NRXN1: variants seen among roughly 807,000 people sequenced by gnomAD.
The protein encoded by NRXN1 is neurexin-1.
A neutral mutation model predicts 150.9 loss-of-function variants in NRXN1; 39 were observed. That is an observed-to-expected ratio of 0.26 (90% confidence interval 0.20 to 0.34). NRXN1 has a LOEUF of 0.34. NRXN1 is among the 10% of genes least tolerant of loss of function. The pLI is 1.00. For missense variants in NRXN1, 1,815 were observed against 1,949.9 expected, an observed-to-expected ratio of 0.93 and a Z score of 1.30; for synonymous variants, 924 against 757.0, an observed-to-expected ratio of 1.22 and a Z score of -3.62.
intron 18 of NRXN1, among the ~76,000 whole-genome samples, chr2:50,219,359 G>GAA (rs34949214): frequency 4.5e-4 from 65 of 143,762 alleles, no homozygotes; most frequent in Admixed American, 2.0e-3. Context: ...CTGTTTTGGG[G>GAA]AAAAAAAAAA....
intron 18 of NRXN1, chr2:50,174,588 C>G (rs2060236406): frequency 6.6e-6 from 1 of 152,076 alleles, no homozygotes; most frequent in Non-Finnish European, 1.5e-5. Context: ...CACAGCACAG[C>G]AATTAAGAAT....
At chr2:50,906,707 G>A (rs1204381050) in intron 5 of NRXN1, among the ~76,000 whole-genome samples, 2 of 151,868 alleles carry the variant, frequency 1.3e-5, no homozygotes, top group Non-Finnish European at 2.9e-5. Flanking sequence ...ATACTCAATT[G>A]CTTGCAACCT....
At chr2:50,737,579 G>A (rs987663873) in intron 5 of NRXN1, among the ~76,000 whole-genome samples, 3 of 152,108 alleles carry the variant, frequency 2.0e-5, no homozygotes, top group Non-Finnish European at 4.4e-5. Context: ...AGCATTAGTA[G>A]TGTCTAAATT....
intron 18 of NRXN1, among the ~76,000 whole-genome samples, chr2:50,171,338 A>G (rs1055106445): frequency 6.6e-6 from 1 of 152,102 alleles, no homozygotes; most frequent in Non-Finnish European, 1.5e-5. Context: ...GAATCTTACT[A>G]TTCAAATATT....
chr2:50,491,423 G>A (rs2091245959), intron 15 of NRXN1, among the ~76,000 whole-genome samples: 1 of 152,188 alleles, frequency 6.6e-6, no homozygotes, highest in Non-Finnish European at 1.5e-5. Context: ...AGTTGTTTCT[G>A]ATTAGGGACA....
chr2:50,451,647 T>C (rs1408882999), intron 17 of NRXN1, among the ~76,000 whole-genome samples: 2 of 152,204 alleles, frequency 1.3e-5, no homozygotes, highest in African/African-American at 4.8e-5. Flanking sequence ...AAGAGAAGAA[T>C]GCAGATAACT....
At chr2:50,361,787 A>T (rs1256451586) in intron 17 of NRXN1, among the ~76,000 whole-genome samples, 2 of 152,162 alleles carry the variant, frequency 1.3e-5, no homozygotes, top group Admixed American at 1.3e-4. Flanking sequence ...CCTGGCAGAG[A>T]CACAACAGAA....
chr2:50,995,733 G>C (rs1699181613), intron 2 of NRXN1, among the ~76,000 whole-genome samples: 1 of 151,904 alleles, frequency 6.6e-6, no homozygotes, highest in African/African-American at 2.4e-5. Context: ...TTCTCTTTCA[G>C]TCATGGATAA....
chr2:50,404,108 C>T (rs2082583973), intron 17 of NRXN1, among the ~76,000 whole-genome samples: 1 of 152,092 alleles, frequency 6.6e-6, no homozygotes, highest in South Asian at 2.1e-4. Context: ...TAAGCTCCAC[C>T]TCACACCCTC....
Position 50,371,630 on chromosome 2 carries a change from A to C in NRXN1, c.3364+93812T>G, listed in dbSNP as rs181535629. ...CGAATAAGTTTCAAGGGAAGGATGA[A>C]CCTTCAAAATTTTATGCAAATTGTG... is the stretch of plus-strand genomic sequence containing the variant. On this transcript the variant is annotated intron_variant, in intron 17 of 22. Transcript: ENST00000401669. Among the ~76,000 whole-genome samples, 103 of 152,090 alleles carry C rather than the reference A, an allele frequency of 6.8e-4. 1 individual carries two copies. Among genetic ancestry groups the C allele is most frequent in the African/African-American group, 1.6e-3 (66 of 41,524 alleles).
At chr2:49,998,028 T>A (rs1414796847) in intron 21 of NRXN1, among the ~76,000 whole-genome samples, 3 of 151,998 alleles carry the variant, frequency 2.0e-5, no homozygotes, top group Non-Finnish European at 4.4e-5. Context: ...GTCAGCAGAG[T>A]GGGATGACCT....
At chr2:50,280,305 A>G (rs111292161) in intron 17 of NRXN1, among the ~76,000 whole-genome samples, 21 of 152,076 alleles carry the variant, frequency 1.4e-4, no homozygotes, top group African/African-American at 5.1e-4. Flanking sequence ...CAGATATATT[A>G]GAAGTCAACT....
At chr2:50,897,371 C>A (rs758609420) in intron 5 of NRXN1, among the ~76,000 whole-genome samples, 2 of 152,084 alleles carry the variant, frequency 1.3e-5, no homozygotes, top group Non-Finnish European at 1.5e-5. Flanking sequence ...ATCAGTGATA[C>A]CAGGACCATT....
At chr2:49,922,417 A>G (rs1572857585) in intron 22 of NRXN1, among the ~76,000 whole-genome samples, 166 bp from the exon 23 acceptor site, 1 of 152,218 alleles carries the variant, frequency 6.6e-6, no homozygotes, top group South Asian at 2.1e-4. Flanking sequence ...ACTAAAAACT[A>G]GGGACTGTGA....
intron 17 of NRXN1, among the ~76,000 whole-genome samples, chr2:50,447,907 G>T (rs970845363): frequency 6.6e-6 from 1 of 151,128 alleles, no homozygotes; most frequent in African/African-American, 2.4e-5. Flanking sequence ...CCCCCCATGG[G>T]TTATTAAGTC....
intron 5 of NRXN1, among the ~76,000 whole-genome samples, chr2:50,666,878 G>GT (rs1559097612): frequency 0.18 from 23,252 of 127,704 alleles, 2,091 homozygotes; most frequent in African/African-American, 0.23. Context: ...TGATGATGAT[G>GT]ATGTGTGTGT....
chr2:51,001,679 T>C (rs949788263), intron 2 of NRXN1, among the ~76,000 whole-genome samples: 4 of 152,028 alleles, frequency 2.6e-5, no homozygotes, highest in African/African-American at 7.2e-5. Context: ...ATTCACGCTA[T>C]TTTAAAAAAT....
In NRXN1 at chr2:50,347,601, C is replaced by T. The variant is rs1381863366; in HGVS notation, c.3365-110631G>A. ...CTCCCGAGGCAATCTCCGCGTCCGC[C>T]GCCTCCTGACACTTACGCCCGGCGA... is the stretch of plus-strand genomic sequence containing the variant. On this transcript the variant is annotated intron_variant, in intron 17 of 22. Transcript: ENST00000401669. This position sits in a 1 kb window ranked among gnomAD's most constrained non-coding sequence, Gnocchi z 4.9. 7 of 1,009,832 alleles carry T rather than the reference C, an allele frequency of 6.9e-6. No homozygotes were observed. Among genetic ancestry groups the T allele is most frequent in the African/African-American group, 1.7e-5 (1 of 57,462 alleles). 62.6% of individuals were successfully genotyped at this position (1,009,832 alleles called of 1,614,324 possible).
At chr2:50,394,951 C>T (rs1359371392) in intron 17 of NRXN1, among the ~76,000 whole-genome samples, 1 of 152,012 alleles carries the variant, frequency 6.6e-6, no homozygotes, top group African/African-American at 2.4e-5. Context: ...AGTCACATGA[C>T]TACTTTTCTT....
Sources: allele counts gnomAD v4.1 joint callset (sites outside exome capture counted in the v4.1 genomes callset), GRCh38; gene constraint gnomAD v4.1.1; non-coding constraint Gnocchi (gnomAD v3.1); transcripts MANE v1.5; gene names NCBI Gene and HGNC (gene_info 2026-07-23, HGNC 2026-07-21).